Variants in RAB2A observed in about 807,000 individuals in gnomAD.
RAB2A encodes RAB2A, member RAS oncogene family, also known as ras-related protein Rab-2A.
In RAB2A, 7 loss-of-function variants were observed where a neutral mutation model predicts 32.5. The ratio of observed to expected loss-of-function variants is 0.22; its 90% CI spans 0.12 to 0.40. The LOEUF is 0.40. RAB2A is among the 10% of genes least tolerant of loss of function. The pLI is 1.00. For synonymous variants in RAB2A, 79 were observed against 85.2 expected (o/e 0.93, Z 0.40); for missense variants, 108 against 260.7 (o/e 0.41, Z 4.03).
intron 1 of RAB2A, among the ~76,000 whole-genome samples, chr8:60,524,460 C>A (rs1047219535): frequency 6.6e-6 from 1 of 152,188 alleles, no homozygotes; most frequent in African/African-American, 2.4e-5. Flanking sequence ...CCTCTCTTGT[C>A]CCTCTCCTAA....
intron 1 of RAB2A, among the ~76,000 whole-genome samples, chr8:60,529,409 A>C (rs1563459440): frequency 6.6e-6 from 1 of 152,034 alleles, no homozygotes; most frequent in Admixed American, 6.5e-5. Flanking sequence ...ATATTGTGAC[A>C]ATGGATTTTT....
intron 1 of RAB2A, among the ~76,000 whole-genome samples, chr8:60,521,243 G>T (rs1807297579): frequency 6.6e-6 from 1 of 152,228 alleles, no homozygotes; most frequent in Non-Finnish European, 1.5e-5. Context: ...GAGGCACTAG[G>T]TGATGTTTCA....
intron 1 of RAB2A, among the ~76,000 whole-genome samples, chr8:60,542,473 G>A (rs962483550): frequency 3.9e-5 from 6 of 151,946 alleles, no homozygotes; most frequent in Non-Finnish European, 7.4e-5. Flanking sequence ...TCGAGATCGC[G>A]CCACTGTACT....
intron 1 of RAB2A, among the ~76,000 whole-genome samples, chr8:60,520,420 C>G (rs1229210386): frequency 1.3e-5 from 2 of 152,128 alleles, no homozygotes; most frequent in African/African-American, 4.8e-5. Context: ...AGAAAAAATA[C>G]GAATCTATAG....
chr8:60,548,680 C>T (rs1477827912), intron 1 of RAB2A, among the ~76,000 whole-genome samples: 9 of 144,578 alleles, frequency 6.2e-5, no homozygotes, highest in South Asian at 2.2e-4. Context: ...AGTGGCTGGC[C>T]GGGCAGAGGG....
At chr8:60,564,327 C>G (rs1808072372) in intron 2 of RAB2A, among the ~76,000 whole-genome samples, 1 of 152,096 alleles carries the variant, frequency 6.6e-6, no homozygotes, top group Non-Finnish European at 1.5e-5. Flanking sequence ...AGTTCTTAGC[C>G]AGGGCCTACT....
Position 60,548,821 on chromosome 8 carries a change from A to AC in RAB2A, c.47-10024dup, listed in dbSNP as rs577197072. Among the ~76,000 whole-genome samples the AC allele has an allele frequency of 8.2e-4, 114 of 138,502 alleles. 1 individual carries two copies. In the South Asian group the frequency reaches 9.0e-3, roughly 11 times the overall value. The allele number at this position is 138,502 out of a possible 152,430, so 90.9% of individuals were successfully genotyped here. A position where few individuals can be genotyped will look rare whatever the true frequency, so the allele number is the denominator to read the frequency against. On this transcript the variant is annotated intron_variant, in intron 1 of 7. Coordinates refer to ENST00000262646, the MANE Select transcript of RAB2A (RefSeq NM_002865.3). Reference sequence around the variant, plus strand: ...GGGCGGCTGGCCGGGCGGGGGGCTGACCCCCCCACCTCCCTCCCGGACGAG... The same window carrying AC: ...GGGCGGCTGGCCGGGCGGGGGGCTGACCCCCCCCACCTCCCTCCCGGACGAG...
At chr8:60,547,470 C>T (rs1203721573) in intron 1 of RAB2A, among the ~76,000 whole-genome samples, 8 of 151,912 alleles carry the variant, frequency 5.3e-5, no homozygotes, top group African/African-American at 1.7e-4. Flanking sequence ...CCAGTAGGCG[C>T]GGCCGGGCAG....
intron 2 of RAB2A, chr8:60,559,287 G>C (rs1807984802): frequency 9.9e-6 from 2 of 201,744 alleles, no homozygotes; most frequent in Non-Finnish European, 2.0e-5. Context: ...CCATTTCCCC[G>C]TTTCATGTCT....
chr8:60,618,514 A>G, intron 6 of RAB2A, 66 bp from the exon 7 acceptor site: 1 of 784,004 alleles, frequency 1.3e-6, no homozygotes, highest in Non-Finnish European at 1.8e-6. Context: ...TATTCTATAG[A>G]GCATATATAA....
At chr8:60,595,179 A>G (rs923123966) in intron 6 of RAB2A, among the ~76,000 whole-genome samples, 1 of 151,256 alleles carries the variant, frequency 6.6e-6, no homozygotes, top group Non-Finnish European at 1.5e-5. Context: ...AGAAAAAAAC[A>G]TAAGAAACAA....
intron 1 of RAB2A, among the ~76,000 whole-genome samples, chr8:60,548,683 G>C (rs1807787730): frequency 6.9e-6 from 1 of 144,416 alleles, no homozygotes. Context: ...GGCTGGCCGG[G>C]CAGAGGGGCT....
intron 1 of RAB2A, among the ~76,000 whole-genome samples, chr8:60,522,036 A>G (rs1230859559): frequency 1.3e-5 from 2 of 152,210 alleles, no homozygotes; most frequent in Non-Finnish European, 2.9e-5. Flanking sequence ...GTGATTGTTC[A>G]TTGAATGAAT....
At chr8:60,525,258 C>T (rs1289027587) in intron 1 of RAB2A, among the ~76,000 whole-genome samples, 2 of 152,140 alleles carry the variant, frequency 1.3e-5, no homozygotes, top group African/African-American at 4.8e-5. Context: ...AGTGAGTGCT[C>T]ATGAGATCTG....
At chr8:60,545,796 A>G (rs924438816) in intron 1 of RAB2A, among the ~76,000 whole-genome samples, 29 of 152,252 alleles carry the variant, frequency 1.9e-4, no homozygotes, top group Admixed American at 1.7e-3. Flanking sequence ...TGTATATCCA[A>G]GATATCCACA....
At chr8:60,526,026 T>TATAC (rs1554550766) in intron 1 of RAB2A, among the ~76,000 whole-genome samples, 2 of 67,816 alleles carry the variant, frequency 2.9e-5, no homozygotes, top group Non-Finnish European at 5.8e-5. Context: ...TGTACATATA[T>TATAC]ATATATATAT....
At chr8:60,594,565 G>GT (rs1239795881) in intron 6 of RAB2A, among the ~76,000 whole-genome samples, 2 of 152,156 alleles carry the variant, frequency 1.3e-5, no homozygotes, top group Non-Finnish European at 1.5e-5. Flanking sequence ...TATGTGCCAT[G>GT]TTGGTTTGCT....
intron 6 of RAB2A, among the ~76,000 whole-genome samples, chr8:60,594,117 T>A (rs1803985294): frequency 6.6e-6 from 1 of 152,114 alleles, no homozygotes; most frequent in Admixed American, 6.6e-5. Context: ...GAACACTACC[T>A]CAGGGACTTA....
chr8:60,605,692 G>C (rs937132340), intron 6 of RAB2A, among the ~76,000 whole-genome samples: 15 of 152,054 alleles, frequency 9.9e-5, no homozygotes, highest in Admixed American at 6.5e-4. Flanking sequence ...TTTTGAACTT[G>C]TATGGCACCT....
Sources: allele counts gnomAD v4.1 joint callset (sites outside exome capture counted in the v4.1 genomes callset), GRCh38; gene constraint gnomAD v4.1.1; transcripts MANE v1.5; gene names NCBI Gene and HGNC (gene_info 2026-07-23, HGNC 2026-07-21).